LINGO2: variants seen among roughly 807,000 people sequenced by gnomAD.
LINGO2 encodes the protein leucine-rich repeat and immunoglobulin-like domain-containing nogo receptor-interacting protein 2.
A neutral mutation model predicts 30.6 loss-of-function variants in LINGO2; 14 were observed. That is an observed-to-expected ratio of 0.46 (90% confidence interval 0.30 to 0.72). The LOEUF (loss-of-function observed/expected upper bound fraction) is 0.72, where lower values mean the gene tolerates loss of function less well. LINGO2 is among the 30% of genes least tolerant of loss of function. The pLI is 0.07. For missense variants in LINGO2, 729 were observed against 751.7 expected (o/e 0.97, Z 0.35); for synonymous variants, 317 against 288.5 (o/e 1.10, Z -1.00).
intron 5 of LINGO2, among the ~76,000 whole-genome samples, chr9:27,988,751 C>T (rs1464391447): frequency 6.6e-6 from 1 of 151,874 alleles, no homozygotes; most frequent in Non-Finnish European, 1.5e-5. Flanking sequence ...ACCTCGCCCA[C>T]AGACTGTTCT....
At chr9:28,450,987 T>C (rs1318320098) in intron 2 of LINGO2, among the ~76,000 whole-genome samples, 2 of 151,950 alleles carry the variant, frequency 1.3e-5, no homozygotes, top group African/African-American at 4.8e-5. Context: ...TGAATAGAAA[T>C]AGTCTTAATT....
intron 5 of LINGO2, among the ~76,000 whole-genome samples, chr9:27,983,467 T>C (rs144291486): frequency 2.0e-5 from 3 of 151,918 alleles, no homozygotes; most frequent in South Asian, 2.1e-4. Context: ...CCAAAAGTCA[T>C]TGAATTCCTA....
At chr9:28,085,132 G>T (rs1452943925) in intron 4 of LINGO2, among the ~76,000 whole-genome samples, 1 of 152,132 alleles carries the variant, frequency 6.6e-6, no homozygotes, top group Non-Finnish European at 1.5e-5. Flanking sequence ...GAGTCTAGCT[G>T]ATCCTGAAGT....
At chr9:28,364,076 C>G (rs1374211699) in intron 3 of LINGO2, among the ~76,000 whole-genome samples, 2 of 151,842 alleles carry the variant, frequency 1.3e-5, no homozygotes, top group Non-Finnish European at 2.9e-5. Context: ...GAAATATCAC[C>G]CTGGTTCATT....
At chr9:28,380,239 G>A (rs979241045) in intron 2 of LINGO2, among the ~76,000 whole-genome samples, 1 of 151,926 alleles carries the variant, frequency 6.6e-6, no homozygotes, top group Non-Finnish European at 1.5e-5. Context: ...TATACAATGT[G>A]TCTAAAATGT....
intron 2 of LINGO2, among the ~76,000 whole-genome samples, chr9:28,412,879 C>A (rs1462640414): frequency 6.6e-6 from 1 of 152,016 alleles, no homozygotes; most frequent in Non-Finnish European, 1.5e-5. Context: ...TCCACCTCCT[C>A]TGCCTCTGTC....
chr9:28,027,627 A>T (rs1341377758), intron 4 of LINGO2, among the ~76,000 whole-genome samples: 5 of 152,046 alleles, frequency 3.3e-5, no homozygotes, highest in East Asian at 1.9e-4. Context: ...TGGGCAAGTT[A>T]CTCAACCTTT....
intron 4 of LINGO2, among the ~76,000 whole-genome samples, chr9:28,281,197 C>T (rs1479707879): frequency 7.9e-5 from 12 of 152,088 alleles, no homozygotes; most frequent in Middle Eastern, 3.4e-3. Flanking sequence ...CTGTAAATGT[C>T]GCTCTCTGCT....
At chr9:29,142,756 C>G in the LINGO2 span, among the ~76,000 whole-genome samples, 1 of 151,890 alleles carries the variant, frequency 6.6e-6, no homozygotes, top group East Asian at 1.9e-4. Flanking sequence ...GTCCCCTCAC[C>G]ATTTTTATTC....
At chr9:28,611,201 TTTA>T (rs1455676430) in intron 1 of LINGO2, among the ~76,000 whole-genome samples, 1 of 152,164 alleles carries the variant, frequency 6.6e-6, no homozygotes, top group African/African-American at 2.4e-5. Flanking sequence ...TTTTTCCAGC[TTTA>T]TTGAGGTATA....
intron 4 of LINGO2, among the ~76,000 whole-genome samples, chr9:28,242,303 T>C (rs1000780287): frequency 2.0e-5 from 3 of 151,950 alleles, no homozygotes; most frequent in African/African-American, 7.3e-5. Flanking sequence ...CTGAAAAACA[T>C]AGCATGAGAA....
chr9:28,351,694 C>T (rs1188678590), intron 3 of LINGO2, among the ~76,000 whole-genome samples: 1 of 150,390 alleles, frequency 6.6e-6, no homozygotes, highest in East Asian at 2.0e-4. Flanking sequence ...AGAGACACAA[C>T]AAAAAAAGAG....
intron 3 of LINGO2, among the ~76,000 whole-genome samples, chr9:28,296,458 G>A (rs979889803): frequency 1.3e-5 from 2 of 152,244 alleles, no homozygotes; most frequent in South Asian, 2.1e-4. Flanking sequence ...ACTACGTTCT[G>A]AAGATTCATG....
intron 3 of LINGO2, among the ~76,000 whole-genome samples, chr9:28,345,759 G>A (rs1270856165): frequency 6.6e-6 from 1 of 152,116 alleles, no homozygotes; most frequent in Non-Finnish European, 1.5e-5. Context: ...CTACACACGT[G>A]GCTCATTATG....
the LINGO2 span, among the ~76,000 whole-genome samples, chr9:29,159,040 T>G: frequency 6.6e-6 from 1 of 152,166 alleles, no homozygotes. Context: ...TCACATGGGC[T>G]TGTTCGACTC....
chr9:28,048,412 TTAA>T (rs1219787092), intron 4 of LINGO2, among the ~76,000 whole-genome samples: 1 of 150,738 alleles, frequency 6.6e-6, no homozygotes, highest in African/African-American at 2.5e-5. Context: ...TACATAAATA[TTAA>T]TAAACAAATA....
chr9:27,974,552 G>T (rs1820505304), intron 5 of LINGO2, among the ~76,000 whole-genome samples: 1 of 152,066 alleles, frequency 6.6e-6, no homozygotes, highest in East Asian at 1.9e-4. Context: ...TGCAATGCTA[G>T]TCACCATGAC....
chr9:28,989,979 G>A, the LINGO2 span, among the ~76,000 whole-genome samples: 7 of 152,184 alleles, frequency 4.6e-5, no homozygotes, highest in South Asian at 4.1e-4. Flanking sequence ...GAAGACGGCT[G>A]ATTTCTGCAT....
the LINGO2 span, among the ~76,000 whole-genome samples, chr9:29,049,668 T>C: frequency 1.3e-5 from 2 of 152,164 alleles, no homozygotes; most frequent in African/African-American, 2.4e-5. Context: ...GAACTGGAGA[T>C]GTTAAGTGAA....
Sources: allele counts gnomAD v4.1 joint callset (sites outside exome capture counted in the v4.1 genomes callset), GRCh38; gene constraint gnomAD v4.1.1; transcripts MANE v1.5; gene names NCBI Gene and HGNC (gene_info 2026-07-23, HGNC 2026-07-21).